TSHR: variants seen among roughly 807,000 people sequenced by gnomAD.
TSHR encodes thyroid stimulating hormone receptor.
Under a neutral mutation model 64.1 loss-of-function variants are expected in TSHR, and 51 were observed. The ratio of observed to expected loss-of-function variants is 0.80; its 90% confidence interval spans 0.64 to 1.01. TSHR has a LOEUF of 1.01. TSHR is among the 50% of genes least tolerant of loss of function. The pLI, the probability that TSHR is intolerant of heterozygous loss-of-function variation, is 0.00. For synonymous variants in TSHR, 361 were observed against 361.9 expected, an observed-to-expected ratio of 1.00 and a Z score of 0.03; for missense variants, 877 against 942.8, an observed-to-expected ratio of 0.93 and a Z score of 0.91.
chr14:81,097,428 A>G (rs1161642201), intron 7 of TSHR, among the ~76,000 whole-genome samples: 1 of 152,176 alleles, frequency 6.6e-6, no homozygotes, highest in Non-Finnish European at 1.5e-5. Context: ...TCTGTTGCGT[A>G]TGGGGCTTCT....
At chr14:81,021,839 G>A (rs1223021027) in intron 1 of TSHR, among the ~76,000 whole-genome samples, 2 of 152,184 alleles carry the variant, frequency 1.3e-5, no homozygotes, top group Non-Finnish European at 2.9e-5. Context: ...CAGTAAATAT[G>A]TGGCTGCACT....
chr14:81,068,006 T>C (rs1886778725), intron 2 of TSHR, among the ~76,000 whole-genome samples: 1 of 145,202 alleles, frequency 6.9e-6, no homozygotes, highest in South Asian at 2.1e-4. Context: ...GGAAAGTTTC[T>C]GAAGGAAGTG....
intron 1 of TSHR, among the ~76,000 whole-genome samples, chr14:81,039,979 T>C (rs1425831600): frequency 6.6e-6 from 1 of 152,002 alleles, no homozygotes; most frequent in Non-Finnish European, 1.5e-5. Flanking sequence ...TAAATTCGTA[T>C]GAAGCCACAA....
intron 3 of TSHR, 179 bp from the exon 4 acceptor site, chr14:81,087,775 G>C: frequency 3.0e-6 from 2 of 676,142 alleles, no homozygotes; most frequent in Non-Finnish European, 5.4e-6. Context: ...TCCCCGTGAG[G>C]AGACAGGAGT....
chr14:80,960,598 G>A (rs1036735459), intron 1 of TSHR, among the ~76,000 whole-genome samples: 3 of 152,274 alleles, frequency 2.0e-5, no homozygotes, highest in Middle Eastern at 3.4e-3. Flanking sequence ...ATATATATAT[G>A]AGAGAGAATA....
intron 4 of TSHR, among the ~76,000 whole-genome samples, chr14:81,090,833 C>A (rs1487656052): frequency 6.6e-6 from 1 of 152,156 alleles, no homozygotes; most frequent in Non-Finnish European, 1.5e-5. Context: ...CTAAGCCGAG[C>A]AGATGTATTG....
intron 8 of TSHR, among the ~76,000 whole-genome samples, chr14:81,127,039 C>G (rs1382082855): frequency 2.0e-5 from 3 of 152,232 alleles, no homozygotes; most frequent in African/African-American, 7.2e-5. Flanking sequence ...GCAGGTTTTA[C>G]TTGTGATTTT....
intron 1 of TSHR, among the ~76,000 whole-genome samples, chr14:81,017,311 A>G (rs1883465938): frequency 6.6e-6 from 1 of 152,174 alleles, no homozygotes; most frequent in Non-Finnish European, 1.5e-5. Flanking sequence ...ACATTCTGTG[A>G]TTACAGGATG....
chr14:81,088,021 A>G lies in TSHR; in HGVS notation c.385A>G (p.Lys129Glu). 2 of 1,612,178 alleles carry G rather than the reference A, an allele frequency of 1.2e-6. No homozygotes were observed. Residue 129 changes from lysine to glutamate, a missense_variant, in exon 4 of 10, where the codon AAG (lysine) becomes GAG (glutamate). Transcript: ENST00000298171. Reference protein sequence around the residue: ...PDALKELPLLKFLGIFNTGLK... With the variant: ...PDALKELPLLEFLGIFNTGLK... Reference sequence around the variant, plus strand: ...TGCCCTCAAAGAGCTCCCCCTCCTAAAGTTCCTGTAAGTATTAAATCCTCT... The same window carrying G: ...TGCCCTCAAAGAGCTCCCCCTCCTAGAGTTCCTGTAAGTATTAAATCCTCT...
In TSHR at chr14:81,091,060, T is replaced by C. The variant is rs373404142; in HGVS notation, c.393-9T>C. 33 of 1,608,212 alleles carry C rather than the reference T, an allele frequency of 2.1e-5. No individual in the cohort carries two copies. The African/African-American group carries it at 4.1e-4, about 20-fold the overall frequency. Reference sequence around the variant, plus strand: ...TATGCTTTTTTTTCTCTTTTTTTCATTAATTTAGTGGCATTTTCAACACTG... The same window carrying C: ...TATGCTTTTTTTTCTCTTTTTTTCACTAATTTAGTGGCATTTTCAACACTG... On this transcript the variant is annotated splice_polypyrimidine_tract_variant and intron_variant, in intron 4 of 9. Transcript: ENST00000298171.
intron 1 of TSHR, among the ~76,000 whole-genome samples, chr14:81,021,802 A>G (rs1343420910): frequency 6.6e-6 from 1 of 152,164 alleles, no homozygotes; most frequent in African/African-American, 2.4e-5. Context: ...AGTCATGATA[A>G]AAAAGAAATT....
intron 1 of TSHR, among the ~76,000 whole-genome samples, chr14:80,979,411 A>G (rs1259017278): frequency 6.6e-6 from 1 of 152,208 alleles, no homozygotes; most frequent in African/African-American, 2.4e-5. Context: ...CAACAGGTAT[A>G]AAGTTACAGT....
intron 7 of TSHR, among the ~76,000 whole-genome samples, chr14:81,097,789 T>C (rs1889307964): frequency 6.6e-6 from 1 of 152,196 alleles, no homozygotes; most frequent in African/African-American, 2.4e-5. Context: ...TGAGTTCTGT[T>C]TGAAGTGAAG....
At chr14:81,101,685 A>G (rs1372707417) in intron 7 of TSHR, among the ~76,000 whole-genome samples, 1 of 152,174 alleles carries the variant, frequency 6.6e-6, no homozygotes. Context: ...TCACCCCAAC[A>G]TGGGACACAA....
intron 9 of TSHR, among the ~76,000 whole-genome samples, chr14:81,141,133 C>T (rs1891667470): frequency 6.6e-6 from 1 of 152,092 alleles, no homozygotes; most frequent in Non-Finnish European, 1.5e-5. Flanking sequence ...GATTCCATCA[C>T]ACACAGGCAC....
chr14:81,105,284 C>G (rs1889821568), intron 7 of TSHR: 1 of 958,198 alleles, frequency 1.0e-6, no homozygotes, highest in African/African-American at 1.8e-5. Flanking sequence ...GAAGCACTTT[C>G]CTGGATATCA....
At chr14:81,028,368 T>C (rs943028101) in intron 1 of TSHR, among the ~76,000 whole-genome samples, 2 of 151,830 alleles carry the variant, frequency 1.3e-5, no homozygotes, top group Admixed American at 1.3e-4. Flanking sequence ...AAAAGGGAAA[T>C]CAGAGAGGTA....
intron 1 of TSHR, among the ~76,000 whole-genome samples, chr14:81,046,776 C>T (rs1885186960): frequency 6.6e-6 from 1 of 151,974 alleles, no homozygotes; most frequent in Non-Finnish European, 1.5e-5. Context: ...AATCAAACTG[C>T]TGAAAACAAG....
rs183732244 is a variant in TSHR, at chr14:81,085,815, A to G, written c.318-2139A>G. Among the ~76,000 whole-genome samples the G allele has an allele frequency of 1.4e-3, 208 of 152,154 alleles. 2 individuals are homozygous for G. Among genetic ancestry groups the G allele is most frequent in the Admixed American group, 1.8e-3 (28 of 15,264 alleles). On this transcript the variant is annotated intron_variant, in intron 3 of 9. Coordinates refer to ENST00000298171, the MANE Select transcript of TSHR (RefSeq NM_000369.5). ...CAGTAGTTCAAACCCTCCTCCCCCA[A>G]TGGAAAGCTCTGGCAAGGAGTTTAT...
Sources: gnomAD v4.1 joint callset for allele counts (sites outside exome capture counted in the v4.1 genomes callset) on GRCh38, gnomAD v4.1.1 for gene constraint, MANE v1.5 for transcripts, NCBI Gene and HGNC (gene_info 2026-07-23, HGNC 2026-07-21) for gene names.